Variants in NXPH1 observed in about 807,000 individuals in gnomAD.
The protein encoded by NXPH1 is neurexophilin 1.
Under a neutral mutation model 23.7 loss-of-function variants are expected in NXPH1, and 5 were observed. That is an observed-to-expected ratio of 0.21 (90% CI 0.11 to 0.44). NXPH1 has a LOEUF of 0.44. NXPH1 is among the 20% of genes least tolerant of loss of function. The pLI is 0.99. For missense variants in NXPH1, 324 were observed against 321.6 expected, an observed-to-expected ratio of 1.01 and a Z score of -0.06; for synonymous variants, 144 against 122.2, an observed-to-expected ratio of 1.18 and a Z score of -1.18.
At chr7:8,453,722 T>C (rs1394376878) in intron 2 of NXPH1, among the ~76,000 whole-genome samples, 1 of 152,144 alleles carries the variant, frequency 6.6e-6, no homozygotes, top group Non-Finnish European at 1.5e-5. Context: ...GGCTTCCAGC[T>C]CTACCCATGT....
At chr7:8,721,519 T>A (rs367992694) in intron 2 of NXPH1, among the ~76,000 whole-genome samples, 1 of 152,244 alleles carries the variant, frequency 6.6e-6, no homozygotes, top group East Asian at 1.9e-4. Context: ...CTCACGCCTG[T>A]AATCCCAGCA....
chr7:8,651,240 C>T (rs12154990), intron 2 of NXPH1, among the ~76,000 whole-genome samples: 80,796 of 120,530 alleles, frequency 0.67, 28,056 homozygotes, highest in East Asian at 1. Context: ...TTTGTTCTTG[C>T]GATAGTTTAC....
intron 2 of NXPH1, among the ~76,000 whole-genome samples, chr7:8,592,815 T>G (rs571260762): frequency 6.7e-6 from 1 of 149,156 alleles, no homozygotes; most frequent in Non-Finnish European, 1.5e-5. Context: ...TTTCACATAT[T>G]GTGAAATAGT....
At chr7:8,568,367 T>C (rs1465592133) in intron 2 of NXPH1, among the ~76,000 whole-genome samples, 1 of 151,934 alleles carries the variant, frequency 6.6e-6, no homozygotes, top group Non-Finnish European at 1.5e-5. Flanking sequence ...TTTTTAAAAA[T>C]CTCATGCTTT....
intron 2 of NXPH1, among the ~76,000 whole-genome samples, chr7:8,696,859 T>G (rs1394530308): frequency 5.7e-4 from 39 of 68,934 alleles, no homozygotes; most frequent in East Asian, 1.0e-3. Flanking sequence ...AAAAAAAAAG[T>G]GAGGCCGGGC....
At chr7:8,653,303 T>G (rs948072835) in intron 2 of NXPH1, among the ~76,000 whole-genome samples, 1 of 152,196 alleles carries the variant, frequency 6.6e-6, no homozygotes, top group Admixed American at 6.5e-5. Flanking sequence ...CTAAGCCTCA[T>G]AGACTACATA....
At chr7:8,510,982 C>G (rs1454410296) in intron 2 of NXPH1, among the ~76,000 whole-genome samples, 2 of 152,072 alleles carry the variant, frequency 1.3e-5, no homozygotes, top group African/African-American at 4.8e-5. Flanking sequence ...CTAGTCTGAT[C>G]TTCTCTGCTT....
At chr7:8,672,572 C>G (rs1350568255) in intron 2 of NXPH1, among the ~76,000 whole-genome samples, 2 of 151,704 alleles carry the variant, frequency 1.3e-5, no homozygotes, top group Non-Finnish European at 2.9e-5. Flanking sequence ...CCAATACAGT[C>G]TTGTCTAATT....
At chr7:8,575,148 C>A (rs908141344) in intron 2 of NXPH1, among the ~76,000 whole-genome samples, 1 of 152,118 alleles carries the variant, frequency 6.6e-6, no homozygotes, top group Non-Finnish European at 1.5e-5. Flanking sequence ...TAAAACTTTG[C>A]TCAGAATGAA....
chr7:8,548,882 G>A (rs947899837), intron 2 of NXPH1, among the ~76,000 whole-genome samples: 1 of 151,482 alleles, frequency 6.6e-6, no homozygotes, highest in African/African-American at 2.4e-5. Context: ...CTAGCTTCTT[G>A]ACATCAGCAT....
At chr7:8,567,637 T>C (rs1818568423) in intron 2 of NXPH1, among the ~76,000 whole-genome samples, 1 of 151,924 alleles carries the variant, frequency 6.6e-6, no homozygotes, top group Non-Finnish European at 1.5e-5. Flanking sequence ...TTATGCCACA[T>C]CTTTTCAAAC....
intron 2 of NXPH1, among the ~76,000 whole-genome samples, chr7:8,502,369 C>G (rs927133928): frequency 6.6e-6 from 1 of 151,700 alleles, no homozygotes; most frequent in East Asian, 1.9e-4. Flanking sequence ...ATATTTATTT[C>G]TTTTTTTTCC....
rs374148351 is a variant in NXPH1, at chr7:8,497,103, C to T, written c.54+61336C>T. Among the ~76,000 whole-genome samples, 28 of 152,206 alleles carry T rather than the reference C, an allele frequency of 1.8e-4. No homozygotes were observed. In the East Asian group the frequency reaches 3.9e-3, roughly 21 times the overall value. On this transcript the variant is annotated intron_variant, in intron 2 of 2. Coordinates refer to ENST00000405863, the MANE Select transcript of NXPH1 (RefSeq NM_152745.3). ...TTCAGTTCCCACCTATGAGTGAGAA[C>T]GTGCAGTGTTTGGTTTTCTGTCCTT... is the stretch of plus-strand genomic sequence containing the variant.
At chr7:8,450,960 G>T (rs1445938918) in intron 2 of NXPH1, among the ~76,000 whole-genome samples, 1 of 152,142 alleles carries the variant, frequency 6.6e-6, no homozygotes, top group African/African-American at 2.4e-5. Flanking sequence ...GCACTTCATT[G>T]TAGATTTATT....
At chr7:8,527,787 C>T (rs1385859894) in intron 2 of NXPH1, among the ~76,000 whole-genome samples, 2 of 152,132 alleles carry the variant, frequency 1.3e-5, no homozygotes, top group Non-Finnish European at 2.9e-5. Flanking sequence ...CCTGAAGAGA[C>T]CTAACTATTG....
chr7:8,603,392 C>T (rs1182895835), intron 2 of NXPH1, among the ~76,000 whole-genome samples: 3 of 152,034 alleles, frequency 2.0e-5, no homozygotes, highest in East Asian at 1.9e-4. Context: ...CCTTTTTAAA[C>T]GTTATTGTTC....
At chr7:8,595,869 C>G (rs933851906) in intron 2 of NXPH1, among the ~76,000 whole-genome samples, 1 of 151,860 alleles carries the variant, frequency 6.6e-6, no homozygotes, top group Non-Finnish European at 1.5e-5. Context: ...ATTTGAGGCT[C>G]GGTTTTACAG....
At chr7:8,744,772 C>CT (rs1214097924) in intron 2 of NXPH1, among the ~76,000 whole-genome samples, 1 of 152,178 alleles carries the variant, frequency 6.6e-6, no homozygotes, top group Non-Finnish European at 1.5e-5. Flanking sequence ...CTTTCTCAAC[C>CT]TTTTTTATGT....
intron 2 of NXPH1, among the ~76,000 whole-genome samples, chr7:8,647,899 A>G (rs1375509014): frequency 6.6e-6 from 1 of 152,100 alleles, no homozygotes; most frequent in African/African-American, 2.4e-5. Context: ...TGTGTTTAAA[A>G]ATTTGAAATA....
Sources: allele counts gnomAD v4.1 joint callset (sites outside exome capture counted in the v4.1 genomes callset), GRCh38; gene constraint gnomAD v4.1.1; transcripts MANE v1.5; gene names NCBI Gene and HGNC (gene_info 2026-07-23, HGNC 2026-07-21).